The following BCAS3 variants were observed in gnomAD, a reference collection of about 807,000 sequenced individuals.
The protein encoded by BCAS3 is BCAS4/BCAS3 fusion.
In BCAS3, 53 loss-of-function variants were observed where a neutral mutation model predicts 116.1. The observed-to-expected ratio is 0.46, with a 90% confidence interval of 0.37 to 0.57. The LOEUF (loss-of-function observed/expected upper bound fraction) is 0.57, where lower values mean the gene tolerates loss of function less well. Among genes scored for constraint, BCAS3 ranks in the 20% least tolerant of loss-of-function variants. The pLI is 0.00. For synonymous variants in BCAS3, 391 were observed against 408.2 expected (o/e 0.96, Z 0.51); for missense variants, 917 against 1,165.4 (o/e 0.79, Z 3.10).
chr17:61,373,735 G>GCCCCC (rs1379515693), intron 23 of BCAS3, among the ~76,000 whole-genome samples: 1 of 34,268 alleles, frequency 2.9e-5, no homozygotes. Context: ...CCCAGCCCCT[G>GCCCCC]TTTAAAGTAT....
At chr17:61,031,890 T>C (rs1226027611) in intron 16 of BCAS3, among the ~76,000 whole-genome samples, 1 of 152,150 alleles carries the variant, frequency 6.6e-6, no homozygotes, top group Non-Finnish European at 1.5e-5. Flanking sequence ...ACTTATTTTC[T>C]GTAGGAGATA....
At chr17:60,989,195 TAAG>T (rs1334313060) in intron 14 of BCAS3, among the ~76,000 whole-genome samples, 1 of 152,150 alleles carries the variant, frequency 6.6e-6, no homozygotes. Context: ...GTAGAAAACT[TAAG>T]TATCTGTGAG....
At chr17:61,305,340 C>T (rs2053768676) in intron 22 of BCAS3, among the ~76,000 whole-genome samples, 1 of 152,054 alleles carries the variant, frequency 6.6e-6, no homozygotes, top group Non-Finnish European at 1.5e-5. Context: ...TCACAGCCTG[C>T]CCAGTGAGCC....
rs144118754 is a variant in BCAS3 at position 61,083,592 on chromosome 17, T to C, written c.2328-875T>C. On this transcript the variant is annotated intron_variant, in intron 21 of 23. Coordinates refer to ENST00000407086, the MANE Select transcript of BCAS3 (RefSeq NM_017679.5). This position sits in a 1 kb window ranked among gnomAD's most constrained non-coding sequence, Gnocchi z 4.9. Reference sequence around the variant, plus strand: ...TCGGCATTTGGCATTTATATGTTTATTATTCTTTTTTTTTTTTTTTTGAGA... The same window carrying C: ...TCGGCATTTGGCATTTATATGTTTACTATTCTTTTTTTTTTTTTTTTGAGA... Among the ~76,000 whole-genome samples the C allele has an allele frequency of 0.011, 1,605 of 149,936 alleles. 10 individuals carry two copies. Among genetic ancestry groups the C allele is most frequent in the Middle Eastern group, 0.017 (5 of 292 alleles).
intron 22 of BCAS3, among the ~76,000 whole-genome samples, chr17:61,271,423 G>GCTTTTTTTTTTTTTTTTTTTTT (rs1428434597): frequency 1.6e-4 from 1 of 6,102 alleles, no homozygotes; most frequent in Admixed American, 1.8e-3. Context: ...ACCATGCCCG[G>GCTTTTTTTTTTTTTTTTTTTTT]ATTTTTTTTT....
At chr17:60,852,641 G>GA (rs1292054519) in intron 7 of BCAS3, among the ~76,000 whole-genome samples, 1 of 151,906 alleles carries the variant, frequency 6.6e-6, no homozygotes, top group Non-Finnish European at 1.5e-5. Flanking sequence ...AATTATGAAA[G>GA]AAAAAAAGAG....
intron 22 of BCAS3, among the ~76,000 whole-genome samples, chr17:61,157,746 CTA>C (rs2077942560): frequency 6.6e-6 from 1 of 152,204 alleles, no homozygotes; most frequent in Non-Finnish European, 1.5e-5. Context: ...GCTGCAAACT[CTA>C]TTGAATGGAA....
At chr17:61,287,990 G>A (rs534879257) in intron 22 of BCAS3, among the ~76,000 whole-genome samples, 3 of 152,160 alleles carry the variant, frequency 2.0e-5, no homozygotes, top group Admixed American at 6.5e-5. Context: ...ATCGGGACTC[G>A]AACTTGGTTC....
At chr17:60,977,535 G>A (rs2062487298) in intron 14 of BCAS3, among the ~76,000 whole-genome samples, 1 of 150,764 alleles carries the variant, frequency 6.6e-6, no homozygotes, top group South Asian at 2.1e-4. Flanking sequence ...AAGTTTTAGG[G>A]TACATGTGCA....
At chr17:60,882,223 G>A in intron 9 of BCAS3, among the ~76,000 whole-genome samples, 1 of 152,038 alleles carries the variant, frequency 6.6e-6, no homozygotes, top group Non-Finnish European at 1.5e-5. Flanking sequence ...GTGTTTTTTG[G>A]CTGCATAAAT....
chr17:60,853,011 T>C (rs959320446), intron 7 of BCAS3, among the ~76,000 whole-genome samples: 1 of 152,228 alleles, frequency 6.6e-6, no homozygotes, highest in African/African-American at 2.4e-5. Context: ...TATAGCAACT[T>C]TATTCATAAT....
rs546381529 is a variant in BCAS3, at chr17:61,349,191, C to T, written c.2426-19136C>T. Among the ~76,000 whole-genome samples, 56 of 152,338 alleles carry T rather than the reference C, an allele frequency of 3.7e-4. No individual in the cohort carries two copies. The highest frequency in any genetic ancestry group is 6.5e-4 in the Non-Finnish European group (44 of 68,030). On this transcript the variant is annotated intron_variant, in intron 22 of 23. Coordinates refer to ENST00000407086, the MANE Select transcript of BCAS3 (RefSeq NM_017679.5). This position sits in a 1 kb window ranked among gnomAD's most constrained non-coding sequence, Gnocchi z 4.7. Reference sequence around the variant, plus strand: ...CCAGAAGGGCCTGAGAATTCATTTGCTCAGTAAGCATTCCAAGTGCTTCTT... The same window carrying T: ...CCAGAAGGGCCTGAGAATTCATTTGTTCAGTAAGCATTCCAAGTGCTTCTT...
At chr17:61,197,034 A>G (rs761679241) in intron 22 of BCAS3, among the ~76,000 whole-genome samples, 2 of 152,242 alleles carry the variant, frequency 1.3e-5, no homozygotes, top group Non-Finnish European at 2.9e-5. Context: ...TTCATAATAC[A>G]TCGTTATTGC....
At position 60,870,786 on chromosome 17, in the gene BCAS3, G is replaced by C. The variant is rs543629946; in HGVS notation, c.584+2103G>C. On this transcript the variant is annotated intron_variant, in intron 8 of 23. Coordinates refer to ENST00000407086, the MANE Select transcript of BCAS3 (RefSeq NM_017679.5). ...TCAATAAATATTGCTCCAGCACTCAGATATTGATACAGAAAAAACTCAAGT... is the reference window on the plus strand; with the variant it reads ...TCAATAAATATTGCTCCAGCACTCACATATTGATACAGAAAAAACTCAAGT... 8.5e-5 allele frequency among the ~76,000 whole-genome samples: 13 copies of C among 152,278 alleles called. No homozygotes were observed. The East Asian group carries it at 2.3e-3, about 27-fold the overall frequency.
intron 22 of BCAS3, among the ~76,000 whole-genome samples, chr17:61,137,084 C>T (rs1035861959): frequency 3.3e-5 from 5 of 152,060 alleles, no homozygotes; most frequent in Non-Finnish European, 5.9e-5. Context: ...ATTTGTTTTC[C>T]TCAGTGGCCA....
In BCAS3 at chr17:61,344,244, TA is replaced by T. The variant is rs749353055; in HGVS notation, c.2426-24071del. On this transcript the variant is annotated intron_variant, in intron 22 of 23. Coordinates refer to ENST00000407086, the MANE Select transcript of BCAS3 (RefSeq NM_017679.5). This position sits in a 1 kb window ranked among gnomAD's most constrained non-coding sequence, Gnocchi z 4.1. ...ACCTGCCAAAATCATCCTTTGACAT[TA>T]AAAAAAAAAAATCCCCTTGCTTTTA... 1.1e-3 allele frequency among the ~76,000 whole-genome samples: 158 copies of T among 145,060 alleles called. No individual in the cohort carries two copies. The highest frequency in any genetic ancestry group is 1.0e-3 in the African/African-American group (41 of 39,904).
At chr17:61,045,954 A>ATATATATATT (rs1568212295) in intron 19 of BCAS3, among the ~76,000 whole-genome samples, 1 of 11,244 alleles carries the variant, frequency 8.9e-5, no homozygotes, top group African/African-American at 1.4e-3. Context: ...TATATATATA[A>ATATATATATT]ATATATATAT....
At chr17:61,328,119 A>T (rs1403265368) in intron 22 of BCAS3, among the ~76,000 whole-genome samples, 2 of 152,206 alleles carry the variant, frequency 1.3e-5, no homozygotes, top group East Asian at 3.8e-4. Context: ...GAGTAACAAT[A>T]AATTTTAGTA....
rs2075977361 is a variant in BCAS3, at chr17:61,124,924, GT to G, written c.2425+40361del. ...ATTGGCTTCCTGGAAATAGATACAG[GT>G]GACAATGGCAAAGTGAGGAGTGGGG... On this transcript the variant is annotated intron_variant, in intron 22 of 23. Transcript: ENST00000407086. The surrounding 1 kb of genome is among the most constrained non-coding windows in gnomAD (Gnocchi z 4.6). Among the ~76,000 whole-genome samples, 1 of 152,142 alleles carries G rather than the reference GT, an allele frequency of 6.6e-6. No homozygotes were observed. The highest frequency in any genetic ancestry group is 1.5e-5 in the Non-Finnish European group (1 of 68,026).
Sources: gnomAD v4.1 joint callset for allele counts (sites outside exome capture counted in the v4.1 genomes callset) on GRCh38, gnomAD v4.1.1 for gene constraint, Gnocchi (gnomAD v3.1) non-coding constraint, MANE v1.5 for transcripts, NCBI Gene and HGNC (gene_info 2026-07-23, HGNC 2026-07-21) for gene names.